Variants in BMP1 observed in about 807,000 individuals in gnomAD.
BMP1 encodes mammalian tolloid protein.
BMP1 carries 63 observed loss-of-function variants against 116.8 expected under a neutral mutation model. The ratio of observed to expected loss-of-function variants is 0.54; its 90% CI spans 0.44 to 0.67. The LOEUF (loss-of-function observed/expected upper bound fraction) is 0.67. Among genes scored for constraint, BMP1 ranks in the 30% least tolerant of loss-of-function variants. The pLI is 0.00. For missense variants in BMP1, 1,183 were observed against 1,358.9 expected, an observed-to-expected ratio of 0.87 and a Z score of 2.04; for synonymous variants, 536 against 533.4, an observed-to-expected ratio of 1.00 and a Z score of -0.07.
intron 15 of BMP1, chr8:22,198,855 A>G: frequency 1.1e-6 from 1 of 897,054 alleles, no homozygotes. Flanking sequence ...GCTTGCTGAG[A>G]CCCTCCCCAT....
intron 16 of BMP1, among the ~76,000 whole-genome samples, chr8:22,205,946 C>T (rs1469428469): frequency 6.6e-6 from 1 of 151,954 alleles, no homozygotes; most frequent in Non-Finnish European, 1.5e-5. Flanking sequence ...CTTGGGTGGA[C>T]CGTTATATGT....
At chr8:22,196,454 C>T (rs1382258874) in intron 13 of BMP1, 1 of 623,998 alleles carries the variant, frequency 1.6e-6, no homozygotes, top group Non-Finnish European at 2.8e-6. Flanking sequence ...AATGGCCACA[C>T]TTATGACCCC....
Position 22,180,415 on chromosome 8 carries a change from G to C in BMP1, c.1009G>C (p.Glu337Gln). The C allele has an allele frequency of 6.2e-7, 1 of 1,614,022 alleles. No homozygotes were observed. Among genetic ancestry groups the C allele is most frequent in the Non-Finnish European group, 8.5e-7 (1 of 1,179,962 alleles). Reference protein sequence around the residue: ...QDSTGNFSSPEYPNGYSAHMH... With the variant: ...QDSTGNFSSPQYPNGYSAHMH... ...CAGCACAGGCAACTTCTCCTCCCCT[G>C]AATACCCCAATGGCTACTCTGCTCA... The change falls in exon 8 of 20, where the codon GAA becomes CAA. Residue 337 changes from glutamate (E) to glutamine (Q), a missense_variant. By Grantham distance (29) the Glu-to-Gln change is conservative. Transcript: ENST00000306385.
intron 8 of BMP1, among the ~76,000 whole-genome samples, chr8:22,187,640 T>G (rs1280867717): frequency 1.3e-5 from 2 of 151,490 alleles, no homozygotes. Context: ...TGAGCCACCG[T>G]GCCCGGCCCC....
At position 22,187,838 on chromosome 8, in the gene BMP1, G is replaced by A. The variant is rs116270704; in HGVS notation, c.1078-4211G>A. Among the ~76,000 whole-genome samples the A allele has an allele frequency of 5.4e-3, 825 of 152,128 alleles. 8 individuals are homozygous for A. Among genetic ancestry groups the A allele is most frequent in the African/African-American group, 0.018 (762 of 41,498 alleles). ...TGTTGGGCACTTGTAAATTTTACACGTATATGAATTGAACTCCCCTAAGTC... is the reference window on the plus strand; with the variant it reads ...TGTTGGGCACTTGTAAATTTTACACATATATGAATTGAACTCCCCTAAGTC... On this transcript the variant is annotated intron_variant, in intron 8 of 19. Coordinates refer to ENST00000306385, the MANE Select transcript of BMP1 (RefSeq NM_006129.5).
chr8:22,186,056 G>A (rs1382501267), intron 8 of BMP1, among the ~76,000 whole-genome samples: 1 of 151,708 alleles, frequency 6.6e-6, no homozygotes, highest in Non-Finnish European at 1.5e-5. Flanking sequence ...GGCTGGTCTC[G>A]GACTCCTGAC....
At chr8:22,199,825 TG>T (rs1829208236) in intron 15 of BMP1, among the ~76,000 whole-genome samples, 1 of 152,152 alleles carries the variant, frequency 6.6e-6, no homozygotes, top group South Asian at 2.1e-4. Flanking sequence ...CCCCCTCTGA[TG>T]TGTTAACTGA....
intron 9 of BMP1, 158 bp downstream of exon 9, chr8:22,192,309 C>G: frequency 1.7e-6 from 1 of 604,344 alleles, no homozygotes; most frequent in East Asian, 2.9e-5. Context: ...CAGATAGCTG[C>G]ATTACTCACT....
chr8:22,190,201 AGG>A (rs1828891505), intron 8 of BMP1, among the ~76,000 whole-genome samples: 1 of 152,246 alleles, frequency 6.6e-6, no homozygotes, highest in Non-Finnish European at 1.5e-5. Context: ...TTGGGATTAC[AGG>A]AGTGAACTAC....
intron 16 of BMP1, among the ~76,000 whole-genome samples, chr8:22,205,092 T>A (rs1406436053): frequency 6.6e-6 from 1 of 151,530 alleles, no homozygotes; most frequent in Non-Finnish European, 1.5e-5. Flanking sequence ...GGTAGCAGGG[T>A]AGGTGGGTTT....
At chr8:22,167,470 T>G (rs1828149398) in intron 1 of BMP1, among the ~76,000 whole-genome samples, 1 of 152,140 alleles carries the variant, frequency 6.6e-6, no homozygotes, top group African/African-American at 2.4e-5. Context: ...TGGGGGGGTC[T>G]TCATGGAGGA....
chr8:22,195,625 C>T, intron 13 of BMP1, 38 bp downstream of exon 13: 2 of 1,580,160 alleles, frequency 1.3e-6, no homozygotes, highest in Non-Finnish European at 1.7e-6. Context: ...CTGTTCTTTC[C>T]CTGGCACCAG....
rs146459003 is a variant in BMP1 at position 22,199,655 on chromosome 8, G to A, written c.2108-2148G>A. 1.2e-3 allele frequency among the ~76,000 whole-genome samples: 177 copies of A among 152,322 alleles called. No homozygotes were observed. In the Middle Eastern group the frequency reaches 0.02, roughly 18 times the overall value. On this transcript the variant is annotated intron_variant, in intron 15 of 19. Coordinates refer to ENST00000306385, the MANE Select transcript of BMP1 (RefSeq NM_006129.5). ...AAATGTGAGGAAGGGGTGGAGCGAA[G>A]GCTTTGCTCAGTCCGTAAGCTGGGC...
At chr8:22,171,705 A>G (rs1828282168) in intron 1 of BMP1, 3 of 152,202 alleles carry the variant, frequency 2.0e-5, no homozygotes, top group Admixed American at 1.3e-4. Flanking sequence ...TCCAGTGACT[A>G]GCAGTGTAGG....
At chr8:22,174,807 T>A (rs1828385680) in intron 2 of BMP1, among the ~76,000 whole-genome samples, 4 of 152,064 alleles carry the variant, frequency 2.6e-5, no homozygotes, top group African/African-American at 9.7e-5. Flanking sequence ...CAATTTTTTA[T>A]ATTTTTAGTA....
chr8:22,206,890 C>T lies in BMP1; in HGVS notation c.2270C>T (p.Thr757Ile), dbSNP rs1829369426. 6.2e-7 allele frequency: 1 copy of T among 1,614,042 alleles called. No homozygotes were observed. Among genetic ancestry groups the T allele is most frequent in the African/African-American group, 1.3e-5 (1 of 74,914 alleles). The change falls in exon 17 of 20, where the codon ACC becomes ATC. Residue 757 changes from threonine (T) to isoleucine (I), a missense_variant. Around this residue, in one of 4 missense-constraint regions of BMP1, gnomAD observed 956 missense variants for 1,135.2 expected, o/e 0.84. Transcript: ENST00000306385. ...CDHKVTSTSG[T>I]ITSPNWPDKY... Reference sequence around the variant, plus strand: ...CACAAGGTGACATCCACCAGTGGTACCATCACCAGCCCCAACTGGCCTGAC... The same window carrying T: ...CACAAGGTGACATCCACCAGTGGTATCATCACCAGCCCCAACTGGCCTGAC...
At chr8:22,171,192 T>C (rs1478217198) in intron 1 of BMP1, 1 of 152,226 alleles carries the variant, frequency 6.6e-6, no homozygotes, top group East Asian at 1.9e-4. Flanking sequence ...GGAAGAGATT[T>C]GGGGTCACTT....
chr8:22,167,388 C>T (rs1448202049), intron 1 of BMP1, among the ~76,000 whole-genome samples: 1 of 152,168 alleles, frequency 6.6e-6, no homozygotes, highest in Non-Finnish European at 1.5e-5. Flanking sequence ...ATGCCAAAGA[C>T]TCAGGGAGTT....
At chr8:22,187,797 T>C (rs1291370497) in intron 8 of BMP1, among the ~76,000 whole-genome samples, 2 of 152,280 alleles carry the variant, frequency 1.3e-5, no homozygotes, top group East Asian at 3.9e-4. Flanking sequence ...TTAACATTTA[T>C]TGAGTGCTTA....
Sources: allele counts gnomAD v4.1 joint callset (sites outside exome capture counted in the v4.1 genomes callset), GRCh38; gene constraint gnomAD v4.1.1; regional missense constraint gnomAD v4.1.1; transcripts MANE v1.5; gene names NCBI Gene and HGNC (gene_info 2026-07-23, HGNC 2026-07-21).